Variants in PLEKHG1 observed in about 807,000 individuals in gnomAD.
The protein encoded by PLEKHG1 is pleckstrin homology and RhoGEF domain containing G1, also known as pleckstrin homology domain-containing family G member 1.
In PLEKHG1, 44 loss-of-function variants were observed where a neutral mutation model predicts 100.8. The observed-to-expected ratio is 0.44, with a 90% confidence interval of 0.34 to 0.56. The LOEUF (loss-of-function observed/expected upper bound fraction) is 0.56. Ranked by LOEUF, PLEKHG1 falls within the 20% of genes least tolerant of loss-of-function variation. PLEKHG1 has a pLI of 0.01. For synonymous variants in PLEKHG1, 640 were observed against 662.5 expected (o/e 0.97, Z 0.52); for missense variants, 1,545 against 1,720.9 (o/e 0.90, Z 1.81).
chr6:150,733,599 G>A (rs768613803), exon 2 of PLEKHG1: 18 of 1,611,624 alleles, frequency 1.1e-5, no homozygotes, highest in African/African-American at 2.7e-5. Context: ...CACCAGTTGC[G>A]TCTTGAAGTG....
chr6:150,788,458 G>A (rs1005138708), intron 4 of PLEKHG1, among the ~76,000 whole-genome samples: 7 of 152,218 alleles, frequency 4.6e-5, no homozygotes, highest in Admixed American at 1.3e-4. Flanking sequence ...CTTTGACCTT[G>A]CTTACTGTCG....
intron 4 of PLEKHG1, among the ~76,000 whole-genome samples, chr6:150,793,194 A>G (rs1449022167): frequency 2.0e-5 from 3 of 152,146 alleles, no homozygotes; most frequent in Non-Finnish European, 4.4e-5. Flanking sequence ...ACTTGAGCCC[A>G]GAAGTTTGAG....
At chr6:150,603,800 T>C (rs1039901854) in intron 1 of PLEKHG1, among the ~76,000 whole-genome samples, 1 of 152,256 alleles carries the variant, frequency 6.6e-6, no homozygotes, top group Non-Finnish European at 1.5e-5. Context: ...TAAATCCTGC[T>C]GGATTCGTGG....
chr6:150,834,296 G>T (rs1777112113), intron 15 of PLEKHG1, among the ~76,000 whole-genome samples: 4 of 152,218 alleles, frequency 2.6e-5, no homozygotes, highest in African/African-American at 4.8e-5. Context: ...AGTTCCCGCT[G>T]CAGGAGGACA....
intron 1 of PLEKHG1, among the ~76,000 whole-genome samples, chr6:150,618,256 C>T (rs180986282): frequency 6.2e-4 from 94 of 152,308 alleles, no homozygotes; most frequent in African/African-American, 2.2e-3. Flanking sequence ...GAACTTTACT[C>T]ATTTGCCAGT....
intron 2 of PLEKHG1, among the ~76,000 whole-genome samples, chr6:150,747,959 T>A (rs1783258160): frequency 6.6e-6 from 1 of 151,884 alleles, no homozygotes; most frequent in Non-Finnish European, 1.5e-5. Context: ...TACATTCACA[T>A]TGTTGTACAA....
At chr6:150,619,188 G>A (rs1777192955) in intron 1 of PLEKHG1, among the ~76,000 whole-genome samples, 1 of 152,172 alleles carries the variant, frequency 6.6e-6, no homozygotes, top group African/African-American at 2.4e-5. Flanking sequence ...AGATCCATTT[G>A]AGCTAGAGAC....
chr6:150,821,095 T>G, intron 12 of PLEKHG1, 100 bp from the exon 14 acceptor site: 1 of 859,778 alleles, frequency 1.2e-6, no homozygotes, highest in South Asian at 1.5e-5. Flanking sequence ...GTTATAGAGC[T>G]CTGTTAATCT....
chr6:150,692,969 G>A (rs1371162043), intron 3 of PLEKHG1, among the ~76,000 whole-genome samples: 1 of 152,162 alleles, frequency 6.6e-6, no homozygotes, highest in Non-Finnish European at 1.5e-5. Flanking sequence ...TGTCCATATG[G>A]CTGAAGTTCC....
At chr6:150,774,841 TATTTTTAAAAGA>T (rs1450613828) in intron 3 of PLEKHG1, among the ~76,000 whole-genome samples, 4 of 151,996 alleles carry the variant, frequency 2.6e-5, no homozygotes, top group Non-Finnish European at 4.4e-5. Flanking sequence ...AATTTATTTA[TATTTTTAAAAGA>T]ATTTTTAAAA....
chr6:150,675,509 A>C (rs1009458277), intron 3 of PLEKHG1, among the ~76,000 whole-genome samples: 5 of 152,240 alleles, frequency 3.3e-5, no homozygotes, highest in Admixed American at 3.3e-4. Context: ...TCTTTCAGTT[A>C]TATTTGGAGG....
chr6:150,789,260 T>C (rs1260719633), intron 4 of PLEKHG1, among the ~76,000 whole-genome samples: 1 of 152,228 alleles, frequency 6.6e-6, no homozygotes, highest in Non-Finnish European at 1.5e-5. Flanking sequence ...TTTGAAGAAC[T>C]AGAAGGAAAT....
Position 150,661,035 on chromosome 6 carries a change from G to C in PLEKHG1, c.-99+10249G>C, listed in dbSNP as rs150219812. ...GATTCTTCCTTCGTGGGGTCAAGGA[G>C]GGGGAGTGAATAGTGGAAACTGGAT... On this transcript the variant is annotated intron_variant, in intron 3 of 3. Transcript: ENST00000367326. 1.3e-3 allele frequency among the ~76,000 whole-genome samples: 199 copies of C among 152,166 alleles called. 1 individual carries two copies. The East Asian group carries it at 0.027, about 21-fold the overall frequency.
intron 14 of PLEKHG1, among the ~76,000 whole-genome samples, chr6:150,829,396 T>C (rs1263787107): frequency 2.0e-5 from 3 of 152,204 alleles, no homozygotes; most frequent in African/African-American, 7.2e-5. Flanking sequence ...GGCGGATCTC[T>C]TGAGGCCAGG....
intron 1 of PLEKHG1, among the ~76,000 whole-genome samples, chr6:150,601,765 GGCAAA>G (rs1270763895): frequency 1.6e-4 from 24 of 152,132 alleles, no homozygotes; most frequent in Non-Finnish European, 2.9e-5. Context: ...TCTGCTAAAG[GGCAAA>G]GCAAAGTGAG....
At chr6:150,780,986 G>A (rs1442240536) in intron 3 of PLEKHG1, among the ~76,000 whole-genome samples, 1 of 151,652 alleles carries the variant, frequency 6.6e-6, no homozygotes, top group Non-Finnish European at 1.5e-5. Flanking sequence ...CAATTCTCCT[G>A]CCTCAGCCTC....
intron 15 of PLEKHG1, among the ~76,000 whole-genome samples, chr6:150,839,375 G>A (rs553052857): frequency 1.3e-5 from 2 of 152,094 alleles, no homozygotes; most frequent in Admixed American, 6.5e-5. Context: ...TTTGGCCTCC[G>A]AAAGTGCTAG....
chr6:150,787,235 T>C (rs1474803591), intron 4 of PLEKHG1, among the ~76,000 whole-genome samples: 1 of 152,144 alleles, frequency 6.6e-6, no homozygotes, highest in African/African-American at 2.4e-5. Flanking sequence ...TCCTACATTT[T>C]AAAAATGTAC....
At chr6:150,779,921 C>G (rs1166913144) in intron 3 of PLEKHG1, among the ~76,000 whole-genome samples, 1 of 151,006 alleles carries the variant, frequency 6.6e-6, no homozygotes, top group African/African-American at 2.4e-5. Flanking sequence ...CGAGATCACA[C>G]TACTGCACAC....
Sources: allele counts gnomAD v4.1 joint callset (sites outside exome capture counted in the v4.1 genomes callset), GRCh38; gene constraint gnomAD v4.1.1; transcripts MANE v1.5; gene names NCBI Gene and HGNC (gene_info 2026-07-23, HGNC 2026-07-21).